The following CNOT6L variants were observed in gnomAD, a reference collection of about 807,000 sequenced individuals.
The protein encoded by CNOT6L is CCR4-NOT transcription complex subunit 6-like.
CNOT6L carries 7 observed loss-of-function variants against 64.0 expected under a neutral mutation model. That is an observed-to-expected ratio of 0.11 (90% CI 0.06 to 0.21). The LOEUF (loss-of-function observed/expected upper bound fraction) is 0.21. Ranked by LOEUF, CNOT6L falls within the 10% of genes least tolerant of loss-of-function variation. The pLI, the probability that CNOT6L is intolerant of heterozygous loss-of-function variation, is 1.00. For missense variants in CNOT6L, 245 were observed against 669.0 expected, an observed-to-expected ratio of 0.37 and a Z score of 6.99; for synonymous variants, 193 against 243.4, an observed-to-expected ratio of 0.79 and a Z score of 1.93.
At chr4:77,778,665 A>G (rs1305261986) in intron 1 of CNOT6L, among the ~76,000 whole-genome samples, 1 of 150,054 alleles carries the variant, frequency 6.7e-6, no homozygotes, top group African/African-American at 2.5e-5. Flanking sequence ...TTGGCCTCCC[A>G]AAGTGCTGGG....
At chr4:77,755,839 T>C (rs1279044209) in intron 5 of CNOT6L, among the ~76,000 whole-genome samples, 1 of 152,156 alleles carries the variant, frequency 6.6e-6, no homozygotes, top group Admixed American at 6.5e-5. Flanking sequence ...TTCAGAATTC[T>C]GTTATTTCAG....
intron 5 of CNOT6L, among the ~76,000 whole-genome samples, chr4:77,755,066 A>G (rs763475753): frequency 1.3e-5 from 2 of 151,508 alleles, no homozygotes; most frequent in African/African-American, 2.4e-5. Context: ...AGACAAATTA[A>G]GAGAACGAAA....
At chr4:77,815,974 C>G (rs1733526558) in intron 1 of CNOT6L, among the ~76,000 whole-genome samples, 1 of 152,200 alleles carries the variant, frequency 6.6e-6, no homozygotes. Flanking sequence ...ATTTATTACT[C>G]TGATTAGCAT....
At chr4:77,789,722 G>C (rs1380562538) in intron 1 of CNOT6L, among the ~76,000 whole-genome samples, 1 of 151,530 alleles carries the variant, frequency 6.6e-6, no homozygotes, top group African/African-American at 2.4e-5. Context: ...AGGCAGAGGT[G>C]GGCAGATGGC....
At chr4:77,779,466 T>C (rs1284709805) in intron 1 of CNOT6L, among the ~76,000 whole-genome samples, 1 of 152,172 alleles carries the variant, frequency 6.6e-6, no homozygotes, top group African/African-American at 2.4e-5. Context: ...AAAACAGATA[T>C]TATATAGAAC....
chr4:77,804,265 T>C (rs1731962346), intron 1 of CNOT6L, among the ~76,000 whole-genome samples: 1 of 151,656 alleles, frequency 6.6e-6, no homozygotes, highest in Admixed American at 6.6e-5. Context: ...CCGTCTCTAC[T>C]AAAAATACAA....
rs910765145 is a variant in CNOT6L, at chr4:77,718,748, A to G, written c.*1683T>C. On this transcript the variant is annotated 3_prime_UTR_variant, in exon 12 of 12. Coordinates refer to ENST00000504123, the MANE Select transcript of CNOT6L (RefSeq NM_144571.3). ...TATAGCCTGATTAATTTACTATGGAAGAAATTAGCATAAAATGACCAAAGT... is the reference window on the plus strand; with the variant it reads ...TATAGCCTGATTAATTTACTATGGAGGAAATTAGCATAAAATGACCAAAGT... The G allele has an allele frequency of 2.0e-5, 3 of 152,650 alleles. No homozygotes were observed. The highest frequency in any genetic ancestry group is 4.8e-5 in the African/African-American group (2 of 41,462). 9.5% of individuals were successfully genotyped at this position (152,650 alleles called of 1,614,324 possible).
chr4:77,736,679 T>G (rs1385512872), intron 8 of CNOT6L, among the ~76,000 whole-genome samples: 2 of 152,326 alleles, frequency 1.3e-5, no homozygotes, highest in African/African-American at 2.4e-5. Flanking sequence ...CCATACAGCC[T>G]TGGTAATACG....
At chr4:77,799,141 G>C (rs1398920424) in intron 1 of CNOT6L, among the ~76,000 whole-genome samples, 2 of 148,402 alleles carry the variant, frequency 1.3e-5, no homozygotes, top group Non-Finnish European at 3.0e-5. Flanking sequence ...GGAAACTGTT[G>C]AACAGGCCAG....
rs11377990 is a variant in CNOT6L at position 77,718,036 on chromosome 4, ATTTT to A, written c.*2391_*2394del. The A allele has an allele frequency of 1.3e-5, 2 of 151,234 alleles. No individual in the cohort carries two copies. Among genetic ancestry groups the A allele is most frequent in the Admixed American group, 6.6e-5 (1 of 15,090 alleles). 9.4% of individuals were successfully genotyped at this position (151,234 alleles called of 1,614,324 possible). Reference sequence around the variant, plus strand: ...ACTTAAGCTGTTTACAATGTTTCCCATTTTTTTTTATTTTTTCCCTCTACATTTA... The same window carrying A: ...ACTTAAGCTGTTTACAATGTTTCCCATTTTTATTTTTTCCCTCTACATTTA... On this transcript the variant is annotated 3_prime_UTR_variant, in exon 12 of 12. Transcript: ENST00000504123.
intron 4 of CNOT6L, among the ~76,000 whole-genome samples, chr4:77,757,392 T>C (rs1725693389): frequency 6.6e-6 from 1 of 152,176 alleles, no homozygotes; most frequent in Non-Finnish European, 1.5e-5. Flanking sequence ...AAAACAAACG[T>C]ATTTCAAGTA....
At chr4:77,797,205 C>T (rs888417218) in intron 1 of CNOT6L, among the ~76,000 whole-genome samples, 2 of 145,906 alleles carry the variant, frequency 1.4e-5, no homozygotes, top group Non-Finnish European at 3.0e-5. Flanking sequence ...TTTAAACAAA[C>T]GAACCTCAAA....
At chr4:77,801,489 AAAT>A (rs1731544471) in intron 1 of CNOT6L, among the ~76,000 whole-genome samples, 2 of 152,286 alleles carry the variant, frequency 1.3e-5, no homozygotes, top group South Asian at 2.1e-4. Context: ...GAAGCTGACA[AAAT>A]AATGACAGTA....
At chr4:77,805,286 T>C (rs951226096) in intron 1 of CNOT6L, among the ~76,000 whole-genome samples, 1 of 152,122 alleles carries the variant, frequency 6.6e-6, no homozygotes, top group African/African-American at 2.4e-5. Flanking sequence ...ACAGACATGA[T>C]GCAATAAAAA....
intron 1 of CNOT6L, among the ~76,000 whole-genome samples, chr4:77,803,749 C>T (rs1436622331): frequency 1.3e-5 from 2 of 151,918 alleles, no homozygotes; most frequent in Non-Finnish European, 2.9e-5. Context: ...ACCAAAAATA[C>T]AAAATTAGCC....
intron 4 of CNOT6L, among the ~76,000 whole-genome samples, chr4:77,766,566 C>T (rs1726843685): frequency 6.6e-6 from 1 of 151,368 alleles, no homozygotes; most frequent in Non-Finnish European, 1.5e-5. Context: ...CCATAATTTT[C>T]AGCAGATGAA....
At chr4:77,766,521 T>C (rs1726837956) in intron 4 of CNOT6L, among the ~76,000 whole-genome samples, 1 of 148,906 alleles carries the variant, frequency 6.7e-6, no homozygotes, top group African/African-American at 2.4e-5. Flanking sequence ...AATAAGAAAA[T>C]TAAATATGTA....
chr4:77,762,399 C>A (rs1407133986), intron 4 of CNOT6L, among the ~76,000 whole-genome samples: 13 of 151,876 alleles, frequency 8.6e-5, no homozygotes, highest in African/African-American at 3.1e-4. Context: ...GTGTGTTTAG[C>A]AGTAGATCCA....
chr4:77,746,776 T>C (rs909835254), intron 6 of CNOT6L, among the ~76,000 whole-genome samples: 1 of 152,146 alleles, frequency 6.6e-6, no homozygotes, highest in African/African-American at 2.4e-5. Context: ...ATAAAATAAA[T>C]CTATCTAGCT....
Sources: allele counts gnomAD v4.1 joint callset (sites outside exome capture counted in the v4.1 genomes callset), GRCh38; gene constraint gnomAD v4.1.1; transcripts MANE v1.5; gene names NCBI Gene and HGNC (gene_info 2026-07-23, HGNC 2026-07-21).